LMO7: variants seen among roughly 807,000 people sequenced by gnomAD.
LMO7 encodes LIM domain only protein 7.
LMO7 carries 120 observed loss-of-function variants against 206.5 expected under a neutral mutation model. That is an observed-to-expected ratio of 0.58 (90% CI 0.50 to 0.68). The LOEUF (loss-of-function observed/expected upper bound fraction) is 0.68, where lower values mean the gene tolerates loss of function less well. Among genes scored for constraint, LMO7 ranks in the 30% least tolerant of loss-of-function variants. The pLI is 0.00. For missense variants in LMO7, 1,959 were observed against 1,957.9 expected (o/e 1.00, Z -0.01); for synonymous variants, 706 against 681.5 (o/e 1.04, Z -0.56).
chr13:75,732,588 G>A (rs1284298906), intron 3 of LMO7, among the ~76,000 whole-genome samples: 7 of 152,142 alleles, frequency 4.6e-5, no homozygotes, highest in Non-Finnish European at 8.8e-5. Context: ...CTGTAGCTCG[G>A]AGTAGTTTGA....
chr13:75,830,056 G>C (rs1401186177), intron 15 of LMO7, among the ~76,000 whole-genome samples: 3 of 152,082 alleles, frequency 2.0e-5, no homozygotes, highest in Admixed American at 2.0e-4. Context: ...GTTCCATCCA[G>C]TTCAAAGATG....
intron 1 of LMO7, among the ~76,000 whole-genome samples, chr13:75,686,349 A>C (rs9645959): frequency 6.6e-6 from 1 of 152,126 alleles, no homozygotes; most frequent in African/African-American, 2.4e-5. Context: ...TAAAATGATC[A>C]GATCTCGTGA....
chr13:75,775,113 T>A (rs1214354555), intron 4 of LMO7, among the ~76,000 whole-genome samples: 1 of 152,158 alleles, frequency 6.6e-6, no homozygotes, highest in East Asian at 1.9e-4. Context: ...GGAATTAATG[T>A]TGTATGCTAA....
At chr13:75,815,299 C>T (rs1183306742) in intron 11 of LMO7, among the ~76,000 whole-genome samples, 1 of 151,984 alleles carries the variant, frequency 6.6e-6, no homozygotes, top group Admixed American at 6.5e-5. Flanking sequence ...TGTAATGGTG[C>T]AGGTGGTAAG....
chr13:75,809,983 C>T (rs2056128790), intron 11 of LMO7, among the ~76,000 whole-genome samples: 1 of 152,014 alleles, frequency 6.6e-6, no homozygotes, highest in Non-Finnish European at 1.5e-5. Context: ...AGTTGCATGC[C>T]ACCACACTCT....
chr13:75,696,014 C>A (rs559866513), intron 1 of LMO7, among the ~76,000 whole-genome samples: 16 of 152,164 alleles, frequency 1.1e-4, no homozygotes, highest in African/African-American at 2.7e-4. Flanking sequence ...CAGGTGGCAG[C>A]AGAGAACAGA....
At chr13:75,631,090 A>C (rs2034884136) in intron 2 of LMO7, among the ~76,000 whole-genome samples, 1 of 152,164 alleles carries the variant, frequency 6.6e-6, no homozygotes, top group African/African-American at 2.4e-5. Context: ...GCAGTCGTGC[A>C]ATCTTGGCTC....
intron 4 of LMO7, among the ~76,000 whole-genome samples, chr13:75,772,978 G>T (rs1489199273): frequency 1.3e-5 from 2 of 152,078 alleles, no homozygotes; most frequent in Non-Finnish European, 2.9e-5. Context: ...AGTAACAAGG[G>T]TTTAGATAAT....
Position 75,709,982 on chromosome 13 carries a change from G to A in LMO7, c.70-3200G>A, listed in dbSNP as rs555430996. Among the ~76,000 whole-genome samples, 20 of 152,262 alleles carry A rather than the reference G, an allele frequency of 1.3e-4. No homozygotes were observed. In the South Asian group the frequency reaches 3.9e-3, roughly 30 times the overall value. On this transcript the variant is annotated intron_variant, in intron 1 of 30. Coordinates refer to ENST00000377534, the MANE Select transcript of LMO7 (RefSeq NM_001306080.2). ...TCTTGAATTAATTTTTGTATAAGGT[G>A]TAAGGAAGGGATCCAGTTTCAGCTT... is the stretch of plus-strand genomic sequence containing the variant.
intron 1 of LMO7, among the ~76,000 whole-genome samples, chr13:75,707,845 T>C (rs1392845820): frequency 1.3e-5 from 2 of 151,912 alleles, no homozygotes; most frequent in East Asian, 1.9e-4. Flanking sequence ...AGTACATCAA[T>C]ATTTAGATAT....
Position 75,808,221 on chromosome 13 carries a change from G to T in LMO7, c.1916+22G>T, listed in dbSNP as rs766390343. 7 of 1,577,664 alleles carry T rather than the reference G, an allele frequency of 4.4e-6. No individual in the cohort carries two copies. In the African/African-American group the frequency reaches 9.5e-5, roughly 21 times the overall value. On this transcript the variant is annotated intron_variant, in intron 10 of 30. Transcript: ENST00000377534. ...AGAGGTCAGAGTGTGTTTCTGCAAG[G>T]ATTTTGCTTGTAATGGATGGTCTTG...
chr13:75,790,946 ATT>A (rs35450911), intron 4 of LMO7, among the ~76,000 whole-genome samples: 17 of 150,394 alleles, frequency 1.1e-4, no homozygotes, highest in East Asian at 5.9e-4. Flanking sequence ...CAAGATAGGT[ATT>A]TTTTTTTGCA....
At chr13:75,731,767 T>C (rs566899267) in intron 3 of LMO7, among the ~76,000 whole-genome samples, 28 of 152,290 alleles carry the variant, frequency 1.8e-4, no homozygotes, top group African/African-American at 6.3e-4. Context: ...GCGGCTGGTA[T>C]CAGTTGTTCC....
At chr13:75,655,114 G>A (rs149747684) in intron 1 of LMO7, among the ~76,000 whole-genome samples, 1,902 of 152,108 alleles carry the variant, frequency 0.013, 45 homozygotes, top group African/African-American at 0.043. Context: ...TAGGTGATCC[G>A]CCTGCTTTGG....
intron 1 of LMO7, among the ~76,000 whole-genome samples, chr13:75,709,737 A>G (rs1364383396): frequency 6.6e-6 from 1 of 152,120 alleles, no homozygotes; most frequent in Non-Finnish European, 1.5e-5. Context: ...ATTTTCTCCC[A>G]TTCTGTAGGT....
intron 4 of LMO7, among the ~76,000 whole-genome samples, chr13:75,791,898 C>T (rs2053342724): frequency 6.6e-6 from 1 of 152,054 alleles, no homozygotes; most frequent in African/African-American, 2.4e-5. Flanking sequence ...TATCTGTACC[C>T]ATTTTTATTG....
intron 27 of LMO7, among the ~76,000 whole-genome samples, chr13:75,852,166 TA>T (rs2060551337): frequency 2.6e-5 from 4 of 152,212 alleles, no homozygotes; most frequent in Admixed American, 2.6e-4. Flanking sequence ...GCTCTTATTT[TA>T]AAAATATTTT....
intron 1 of LMO7, among the ~76,000 whole-genome samples, chr13:75,668,006 G>A (rs868555641): frequency 9.9e-5 from 15 of 152,138 alleles, no homozygotes; most frequent in Non-Finnish European, 5.9e-5. Context: ...CCAGGAGTTC[G>A]AGACCAGCCT....
rs2060285206 is a variant in LMO7 at position 75,849,381 on chromosome 13, A to G, written c.4364+89A>G. The G allele has an allele frequency of 4.9e-6, 5 of 1,024,230 alleles. No individual in the cohort carries two copies. The South Asian group carries it at 5.6e-5, about 12-fold the overall frequency. The allele number at this position is 1,024,230 out of a possible 1,614,324, so 63.4% of individuals were successfully genotyped here. On this transcript the variant is annotated intron_variant, in intron 27 of 30. Coordinates refer to ENST00000377534, the MANE Select transcript of LMO7 (RefSeq NM_001306080.2). ...CATCCTGGTGCTTTGGACAGAAGAG[A>G]TGAAAGGAACATAGAGCGAACGCTC...
Sources: allele counts gnomAD v4.1 joint callset (sites outside exome capture counted in the v4.1 genomes callset), GRCh38; gene constraint gnomAD v4.1.1; transcripts MANE v1.5; gene names NCBI Gene and HGNC (gene_info 2026-07-23, HGNC 2026-07-21).